The following ROBO2 variants were observed in gnomAD, a reference collection of about 807,000 sequenced individuals.
ROBO2 encodes roundabout homolog 2.
Under a neutral mutation model 160.8 loss-of-function variants are expected in ROBO2, and 53 were observed. The observed-to-expected ratio is 0.33, with a 90% confidence interval of 0.26 to 0.41. The LOEUF (loss-of-function observed/expected upper bound fraction) is 0.41, where lower values mean the gene tolerates loss of function less well. Ranked by LOEUF, ROBO2 falls within the 10% of genes least tolerant of loss-of-function variation. ROBO2 has a pLI of 1.00. For synonymous variants in ROBO2, 664 were observed against 611.7 expected (o/e 1.09, Z -1.26); for missense variants, 1,577 against 1,722.4 (o/e 0.92, Z 1.49).
intron 2 of ROBO2, among the ~76,000 whole-genome samples, chr3:76,854,022 C>T (rs1242338576): frequency 2.9e-4 from 3 of 10,252 alleles, no homozygotes; most frequent in African/African-American, 1.5e-3. Flanking sequence ...TAGACTTTCT[C>T]TCTCTCTCTC....
At chr3:76,411,978 C>T (rs62262656) in intron 2 of ROBO2, among the ~76,000 whole-genome samples, 51,597 of 151,814 alleles carry the variant, frequency 0.34, 10,074 homozygotes, top group Non-Finnish European at 0.43. Flanking sequence ...TCCATTTTCA[C>T]GCTGCTGATG....
At chr3:77,523,109 A>G (rs1282832248) in intron 6 of ROBO2, among the ~76,000 whole-genome samples, 2 of 151,386 alleles carry the variant, frequency 1.3e-5, no homozygotes, top group African/African-American at 4.8e-5. Context: ...ATTAATTCTT[A>G]TTTAATAAAT....
At chr3:76,404,652 G>A (rs1576986886) in intron 2 of ROBO2, among the ~76,000 whole-genome samples, 2 of 143,092 alleles carry the variant, frequency 1.4e-5, no homozygotes, top group East Asian at 3.9e-4. Context: ...TTGAGGGAAT[G>A]TAAAAAATGA....
intron 2 of ROBO2, among the ~76,000 whole-genome samples, chr3:76,525,837 C>A (rs941823771): frequency 6.6e-6 from 1 of 151,788 alleles, no homozygotes; most frequent in Admixed American, 6.6e-5. Flanking sequence ...CATTAAAGGG[C>A]AATTGCTATT....
At chr3:77,214,280 A>G (rs2084611861) in intron 2 of ROBO2, among the ~76,000 whole-genome samples, 1 of 152,260 alleles carries the variant, frequency 6.6e-6, no homozygotes, top group Middle Eastern at 3.4e-3. Context: ...GGGTGCATAT[A>G]TATTTAGGAC....
intron 2 of ROBO2, among the ~76,000 whole-genome samples, chr3:77,024,669 C>T (rs1402660213): frequency 6.6e-6 from 1 of 152,144 alleles, no homozygotes; most frequent in Non-Finnish European, 1.5e-5. Context: ...AGACTCTGTA[C>T]ATACCAGTTG....
At chr3:76,599,745 A>T (rs1377817726) in intron 2 of ROBO2, among the ~76,000 whole-genome samples, 2 of 152,068 alleles carry the variant, frequency 1.3e-5, no homozygotes, top group Admixed American at 1.3e-4. Context: ...AGCCATTCTG[A>T]CTGGTGTGAG....
chr3:76,041,386 C>T (rs1435689576), intron 2 of ROBO2, among the ~76,000 whole-genome samples: 1 of 151,988 alleles, frequency 6.6e-6, no homozygotes, highest in African/African-American at 2.4e-5. Flanking sequence ...GACCCTCAGA[C>T]CTCAAGGAGG....
chr3:77,006,881 C>T lies in ROBO2; in HGVS notation c.110-91133C>T, dbSNP rs890666463. On this transcript the variant is annotated intron_variant, in intron 2 of 26. Transcript: ENST00000487694. ...ATTAGGAAGTATAAGGTATTTATTA[C>T]TTTAAGTTAAAAAAGATAATATACC... is the stretch of plus-strand genomic sequence containing the variant. 1.6e-4 allele frequency among the ~76,000 whole-genome samples: 24 copies of T among 152,130 alleles called. No homozygotes were observed. The South Asian group carries it at 2.3e-3, about 14-fold the overall frequency.
At chr3:77,455,269 T>A in intron 2 of ROBO2, among the ~76,000 whole-genome samples, 1 of 152,180 alleles carries the variant, frequency 6.6e-6, no homozygotes, top group East Asian at 1.9e-4. Flanking sequence ...TTGAAAAAAG[T>A]GTTTCAGCAG....
exon 1 of ROBO2, chr3:77,040,361 C>T (rs1559883812): frequency 1.0e-6 from 1 of 1,004,560 alleles, no homozygotes; most frequent in Non-Finnish European, 1.2e-6. Context: ...AATGGTTTTT[C>T]GGCAGCGCGC....
At chr3:76,213,423 C>T (rs1346478542) in intron 2 of ROBO2, among the ~76,000 whole-genome samples, 1 of 152,004 alleles carries the variant, frequency 6.6e-6, no homozygotes, top group Non-Finnish European at 1.5e-5. Flanking sequence ...TTCGCCAATA[C>T]TAGACTATAC....
chr3:76,246,117 G>A (rs1576074790), intron 2 of ROBO2, among the ~76,000 whole-genome samples: 1 of 151,924 alleles, frequency 6.6e-6, no homozygotes, highest in East Asian at 1.9e-4. Flanking sequence ...TATTTTGTTA[G>A]TGAAGAAGTT....
chr3:77,252,831 A>AAAAAAATATATATATATATATATAT, intron 2 of ROBO2, among the ~76,000 whole-genome samples: 1 of 12,514 alleles, frequency 8.0e-5, no homozygotes, highest in African/African-American at 1.6e-4. Context: ...AAAAAAAAAA[A>AAAAAAATATATATATATATATATAT]ATATATATAT....
intron 1 of ROBO2, among the ~76,000 whole-genome samples, chr3:75,931,224 G>GT (rs1183410118): frequency 6.6e-6 from 1 of 152,174 alleles, no homozygotes; most frequent in Non-Finnish European, 1.5e-5. Flanking sequence ...AACACTGTGG[G>GT]TTTTTTCTTA....
intron 1 of ROBO2, among the ~76,000 whole-genome samples, chr3:77,082,422 G>A (rs960921352): frequency 6.6e-6 from 1 of 152,026 alleles, no homozygotes; most frequent in Non-Finnish European, 1.5e-5. Context: ...TCTTAGCCCT[G>A]CCTGTGTTTC....
At chr3:77,152,727 A>C (rs1290609827) in intron 2 of ROBO2, among the ~76,000 whole-genome samples, 1 of 152,224 alleles carries the variant, frequency 6.6e-6, no homozygotes, top group African/African-American at 2.4e-5. Flanking sequence ...ATTGGTGTTA[A>C]TATTACTGCC....
chr3:76,640,832 A>T (rs911792234), intron 2 of ROBO2, among the ~76,000 whole-genome samples: 1 of 151,960 alleles, frequency 6.6e-6, no homozygotes, highest in Non-Finnish European at 1.5e-5. Flanking sequence ...GGACGTTCTC[A>T]AAAAAAAGAA....
chr3:77,639,619 G>A (rs987013526), intron 24 of ROBO2, among the ~76,000 whole-genome samples: 3 of 152,178 alleles, frequency 2.0e-5, no homozygotes, highest in Non-Finnish European at 2.9e-5. Flanking sequence ...GGAACGATAT[G>A]ACTGGAGCAG....
Sources: allele counts gnomAD v4.1 joint callset (sites outside exome capture counted in the v4.1 genomes callset), GRCh38; gene constraint gnomAD v4.1.1; transcripts MANE v1.5; gene names NCBI Gene and HGNC (gene_info 2026-07-23, HGNC 2026-07-21).